Variants in KMT2C observed in about 807,000 individuals in gnomAD.
KMT2C encodes lysine methyltransferase 2C, also known as histone-lysine N-methyltransferase 2C.
Under a neutral mutation model 507.9 loss-of-function variants are expected in KMT2C, and 88 were observed. The ratio of observed to expected loss-of-function variants is 0.17; its 90% CI spans 0.15 to 0.21. KMT2C has a LOEUF of 0.21. Among genes scored for constraint, KMT2C ranks in the 10% least tolerant of loss-of-function variants. The pLI, the probability that KMT2C is intolerant of heterozygous loss-of-function variation, is 1.00. For synonymous variants in KMT2C, 2,049 were observed against 2,080.8 expected (o/e 0.98, Z 0.42); for missense variants, 4,954 against 5,957.8 (o/e 0.83, Z 5.55).
At chr7:152,281,921 AAG>A (rs1414460787) in intron 6 of KMT2C, among the ~76,000 whole-genome samples, 3 of 152,184 alleles carry the variant, frequency 2.0e-5, no homozygotes, top group Admixed American at 2.0e-4. Flanking sequence ...ACAAGTAATA[AAG>A]ACAAATTCAT....
chr7:152,290,875 T>C (rs2096415713), intron 6 of KMT2C, among the ~76,000 whole-genome samples: 1 of 152,088 alleles, frequency 6.6e-6, no homozygotes, highest in Non-Finnish European at 1.5e-5. Context: ...ACAAAAATAT[T>C]ATCCTATATT....
At chr7:152,377,025 A>G (rs1490064185) in intron 1 of KMT2C, among the ~76,000 whole-genome samples, 3 of 151,116 alleles carry the variant, frequency 2.0e-5, no homozygotes, top group African/African-American at 4.9e-5. Flanking sequence ...GTCTCTTTTA[A>G]AAATAATAAA....
intron 25 of KMT2C, among the ~76,000 whole-genome samples, chr7:152,204,119 A>T (rs2094225019): frequency 6.6e-6 from 1 of 150,764 alleles, no homozygotes; most frequent in Admixed American, 6.6e-5. Flanking sequence ...CCTCCTGCTC[A>T]CCACCAATAG....
intron 23 of KMT2C, among the ~76,000 whole-genome samples, chr7:152,214,533 G>A (rs2094526518): frequency 6.6e-6 from 1 of 152,012 alleles, no homozygotes; most frequent in Admixed American, 6.6e-5. Context: ...AAAAAAATCA[G>A]TTTTGTCATA....
intron 51 of KMT2C, among the ~76,000 whole-genome samples, chr7:152,150,285 TC>T (rs1432264212): frequency 1.3e-5 from 2 of 152,206 alleles, no homozygotes; most frequent in Non-Finnish European, 2.9e-5. Flanking sequence ...AAACAGGTTT[TC>T]CTATTGGGGT....
intron 1 of KMT2C, among the ~76,000 whole-genome samples, chr7:152,434,214 G>A (rs2097893500): frequency 6.6e-6 from 1 of 152,136 alleles, no homozygotes; most frequent in Non-Finnish European, 1.5e-5. Flanking sequence ...TAATAAATAA[G>A]TCCTAACTTT....
chr7:152,210,863 G>A (rs2094439928), intron 23 of KMT2C, among the ~76,000 whole-genome samples: 1 of 152,096 alleles, frequency 6.6e-6, no homozygotes, highest in South Asian at 2.1e-4. Flanking sequence ...ATAAAACTCA[G>A]TAGAGGAAGA....
intron 18 of KMT2C, among the ~76,000 whole-genome samples, chr7:152,228,209 T>C (rs1383215937): frequency 6.6e-6 from 1 of 152,178 alleles, no homozygotes; most frequent in African/African-American, 2.4e-5. Context: ...TGCTGAACAG[T>C]CCATAGTTAA....
intron 46 of KMT2C, among the ~76,000 whole-genome samples, chr7:152,155,576 C>A (rs1167934096): frequency 1.3e-5 from 2 of 152,162 alleles, no homozygotes; most frequent in Non-Finnish European, 2.9e-5. Context: ...CATTAATACC[C>A]TTTAAAGGAC....
rs572153696 is a variant in KMT2C at position 152,355,940 on chromosome 7, T to A, written c.250+2647A>T. Among the ~76,000 whole-genome samples, 11 of 152,106 alleles carry A rather than the reference T, an allele frequency of 7.2e-5. No homozygotes were observed. The East Asian group carries it at 2.1e-3, about 29-fold the overall frequency. On this transcript the variant is annotated intron_variant, in intron 2 of 58. Transcript: ENST00000262189. ...TTCTGCAGCACCCCCCTTATGCTAA[T>A]GAAATCAATGAGATGGAAAAGTTAT...
intron 1 of KMT2C, among the ~76,000 whole-genome samples, chr7:152,391,142 C>CAAAAAAAAAAAAAAAAAAA (rs1195125465): frequency 2.9e-5 from 1 of 34,766 alleles, no homozygotes; most frequent in African/African-American, 1.1e-4. Context: ...AGACTGTCTC[C>CAAAAAAAAAAAAAAAAAAA]AAAAAAAAAA....
intron 20 of KMT2C, among the ~76,000 whole-genome samples, chr7:152,223,674 G>C (rs2094842998): frequency 6.6e-6 from 1 of 151,944 alleles, no homozygotes; most frequent in South Asian, 2.1e-4. Flanking sequence ...TGCACCTGTA[G>C]TCCCAGATAC....
chr7:152,164,107 A>G (rs538283089), intron 42 of KMT2C, among the ~76,000 whole-genome samples: 1 of 152,318 alleles, frequency 6.6e-6, no homozygotes, highest in East Asian at 1.9e-4. Context: ...TTAAAATCTT[A>G]TGGTGAAACT....
intron 9 of KMT2C, among the ~76,000 whole-genome samples, chr7:152,255,146 C>CACAT (rs2095637774): frequency 1.6e-5 from 1 of 63,984 alleles, no homozygotes; most frequent in African/African-American, 6.7e-5. Context: ...TATATATATA[C>CACAT]ATATATATAT....
chr7:152,339,821 A>G (rs1426622786), intron 2 of KMT2C, among the ~76,000 whole-genome samples: 1 of 152,176 alleles, frequency 6.6e-6, no homozygotes, highest in African/African-American at 2.4e-5. Context: ...ATATAATATA[A>G]AGCAAGCAGA....
At chr7:152,408,925 T>C (rs1589809066) in intron 1 of KMT2C, among the ~76,000 whole-genome samples, 3 of 152,222 alleles carry the variant, frequency 2.0e-5, no homozygotes, top group South Asian at 2.1e-4. Flanking sequence ...ATGAAGTTAA[T>C]TCTACACTAT....
intron 44 of KMT2C, among the ~76,000 whole-genome samples, chr7:152,158,649 G>A (rs1295831034): frequency 6.6e-6 from 1 of 151,886 alleles, no homozygotes; most frequent in Non-Finnish European, 1.5e-5. Context: ...CCAAGTAGCT[G>A]GAATTACAGG....
intron 2 of KMT2C, among the ~76,000 whole-genome samples, chr7:152,335,644 T>C (rs1158122326): frequency 2.0e-5 from 3 of 152,328 alleles, no homozygotes; most frequent in South Asian, 2.1e-4. Flanking sequence ...TAGCGAAGTA[T>C]ATAACAGTTT....
At chr7:152,244,699 TTG>T (rs2095441161) in intron 14 of KMT2C, among the ~76,000 whole-genome samples, 1 of 152,206 alleles carries the variant, frequency 6.6e-6, no homozygotes, top group Non-Finnish European at 1.5e-5. Flanking sequence ...TTCCTCATCT[TTG>T]TGAAATCCTG....
Sources: allele counts gnomAD v4.1 joint callset (sites outside exome capture counted in the v4.1 genomes callset), GRCh38; gene constraint gnomAD v4.1.1; transcripts MANE v1.5; gene names NCBI Gene and HGNC (gene_info 2026-07-23, HGNC 2026-07-21).